The following RBFOX1 variants were observed in gnomAD, a reference collection of about 807,000 sequenced individuals.
The protein encoded by RBFOX1 is RNA binding fox-1 homolog 1.
In RBFOX1, 8 loss-of-function variants were observed where a neutral mutation model predicts 57.7. That is an observed-to-expected ratio of 0.14 (90% CI 0.08 to 0.25). RBFOX1 has a LOEUF of 0.25. RBFOX1 is among the 10% of genes least tolerant of loss of function. The pLI is 1.00. For missense variants in RBFOX1, 611 were observed against 548.5 expected, an observed-to-expected ratio of 1.11 and a Z score of -1.14; for synonymous variants, 326 against 222.4, an observed-to-expected ratio of 1.47 and a Z score of -4.15.
chr16:5,364,927 C>A (rs142089970), intron 1 of RBFOX1, among the ~76,000 whole-genome samples: 1 of 152,050 alleles, frequency 6.6e-6, no homozygotes, highest in Non-Finnish European at 1.5e-5. Context: ...ACAGTAGGGT[C>A]GCCTAAGAAG....
chr16:6,073,565 G>A (rs1763209299), intron 1 of RBFOX1, among the ~76,000 whole-genome samples: 1 of 152,148 alleles, frequency 6.6e-6, no homozygotes. Flanking sequence ...CCCCGTGTTT[G>A]CTTTAGAACG....
At chr16:7,346,099 T>C (rs1356135821) in intron 4 of RBFOX1, among the ~76,000 whole-genome samples, 3 of 152,180 alleles carry the variant, frequency 2.0e-5, no homozygotes, top group Non-Finnish European at 2.9e-5. Flanking sequence ...GTCCTTGCGA[T>C]AGTTTGCTGA....
chr16:5,491,825 G>C (rs2042840078), intron 2 of RBFOX1, among the ~76,000 whole-genome samples: 1 of 152,174 alleles, frequency 6.6e-6, no homozygotes, highest in Admixed American at 6.5e-5. Flanking sequence ...CTGCACATTA[G>C]AATTACCCAG....
At chr16:5,554,812 A>C (rs570968306) in intron 2 of RBFOX1, among the ~76,000 whole-genome samples, 5 of 152,186 alleles carry the variant, frequency 3.3e-5, no homozygotes, top group Non-Finnish European at 5.9e-5. Context: ...TAATTAATTC[A>C]TTTGTCTTTT....
At chr16:6,744,634 C>G (rs1196248263) in intron 3 of RBFOX1, among the ~76,000 whole-genome samples, 1 of 152,002 alleles carries the variant, frequency 6.6e-6, no homozygotes, top group Non-Finnish European at 1.5e-5. Flanking sequence ...TCAAAATAAA[C>G]AGTGACCTGA....
chr16:7,615,962 G>A (rs1341908535), intron 10 of RBFOX1, among the ~76,000 whole-genome samples: 1 of 152,194 alleles, frequency 6.6e-6, no homozygotes, highest in South Asian at 2.1e-4. Flanking sequence ...CACTAATAAT[G>A]TATGAACAGC....
At chr16:5,275,907 G>C (rs1244076202) in intron 1 of RBFOX1, among the ~76,000 whole-genome samples, 1 of 152,042 alleles carries the variant, frequency 6.6e-6, no homozygotes, top group African/African-American at 2.4e-5. Flanking sequence ...ACTGATCTTA[G>C]ACAAAGTAAA....
chr16:6,028,305 G>C (rs1162114577), intron 1 of RBFOX1, among the ~76,000 whole-genome samples: 1 of 152,082 alleles, frequency 6.6e-6, no homozygotes, highest in African/African-American at 2.4e-5. Context: ...AGGGAAAATA[G>C]TCCTTTTCAC....
intron 1 of RBFOX1, among the ~76,000 whole-genome samples, chr16:6,291,170 G>C (rs1325296059): frequency 6.6e-6 from 1 of 152,100 alleles, no homozygotes; most frequent in Non-Finnish European, 1.5e-5. Flanking sequence ...ACTGCAACCT[G>C]TTTTATCAGC....
chr16:5,249,212 C>T lies in RBFOX1; in HGVS notation c.219+9107C>T, dbSNP rs186766104. On this transcript the variant is annotated intron_variant, in intron 1 of 2. Transcript: ENST00000585867. ...GTTCAGGCTGTTGTAGAAACAGGTA[C>T]GCAGGGGCTCTGTGTGGCACCCTGT... Among the ~76,000 whole-genome samples the T allele has an allele frequency of 7.4e-4, 113 of 152,198 alleles. 1 individual carries two copies. The highest frequency in any genetic ancestry group is 5.4e-3 in the South Asian group (26 of 4,824).
intron 2 of RBFOX1, among the ~76,000 whole-genome samples, chr16:6,539,690 C>T (rs150638234): frequency 0.03 from 4,545 of 151,880 alleles, 234 homozygotes; most frequent in African/African-American, 0.096. Flanking sequence ...CCCAGCTCCA[C>T]GGGAGGCTGA....
intron 3 of RBFOX1, among the ~76,000 whole-genome samples, chr16:7,000,683 C>T (rs1164625122): frequency 2.1e-5 from 3 of 145,004 alleles, no homozygotes; most frequent in African/African-American, 7.7e-5. Context: ...CGGCTCACTG[C>T]AACCTCTGCC....
chr16:5,364,812 G>T (rs952095244), intron 1 of RBFOX1, among the ~76,000 whole-genome samples: 7 of 152,168 alleles, frequency 4.6e-5, no homozygotes, highest in African/African-American at 1.7e-4. Context: ...ATGGGGACCA[G>T]CTATGGGGCT....
At chr16:7,580,392 C>G (rs931756722) in intron 6 of RBFOX1, among the ~76,000 whole-genome samples, 1 of 152,180 alleles carries the variant, frequency 6.6e-6, no homozygotes, top group Non-Finnish European at 1.5e-5. Flanking sequence ...GATGCATCAG[C>G]AGAGAACAAC....
At chr16:6,964,039 C>G (rs1335947422) in intron 3 of RBFOX1, among the ~76,000 whole-genome samples, 3 of 146,592 alleles carry the variant, frequency 2.0e-5, no homozygotes, top group Non-Finnish European at 4.5e-5. Context: ...CTTTTTTCAA[C>G]ATGAAGTCTT....
intron 3 of RBFOX1, among the ~76,000 whole-genome samples, chr16:6,845,203 T>C (rs1452881417): frequency 2.0e-5 from 3 of 152,222 alleles, no homozygotes; most frequent in African/African-American, 7.2e-5. Context: ...TTATCAATTT[T>C]CGCTTTTGCA....
At chr16:6,294,731 C>T (rs976609693) in intron 1 of RBFOX1, among the ~76,000 whole-genome samples, 2 of 152,084 alleles carry the variant, frequency 1.3e-5, no homozygotes, top group Admixed American at 6.6e-5. Context: ...ACCAGGTTGT[C>T]CTTTTGATAT....
rs868448041 is a variant in RBFOX1, at chr16:6,007,439, C to T, written c.351+140104C>T. ...ACATGACTGAGCAGGCAGCTGGATCCTTCTTCAGTCAGGTCTTGAGATGAA... is the reference window on the plus strand; with the variant it reads ...ACATGACTGAGCAGGCAGCTGGATCTTTCTTCAGTCAGGTCTTGAGATGAA... On this transcript the variant is annotated intron_variant, in intron 4 of 19. Coordinates refer to the RBFOX1 transcript ENST00000641259. Among the ~76,000 whole-genome samples, 6 of 152,152 alleles carry T rather than the reference C, an allele frequency of 3.9e-5. No homozygotes were observed. The South Asian group carries it at 8.3e-4, about 21-fold the overall frequency.
intron 4 of RBFOX1, among the ~76,000 whole-genome samples, chr16:5,890,698 A>G (rs920967563): frequency 1.6e-4 from 11 of 69,150 alleles, no homozygotes; most frequent in Admixed American, 3.0e-4. Context: ...GTCTGTATTG[A>G]AAAAAAAAAA....
Sources: gnomAD v4.1 joint callset for allele counts (sites outside exome capture counted in the v4.1 genomes callset) on GRCh38, gnomAD v4.1.1 for gene constraint, MANE v1.5 for transcripts, NCBI Gene and HGNC (gene_info 2026-07-23, HGNC 2026-07-21) for gene names.